The following MYCBP2 variants were observed in gnomAD, a reference collection of about 807,000 sequenced individuals.
MYCBP2 encodes the protein E3 ubiquitin-protein ligase MYCBP2.
A neutral mutation model predicts 525.3 loss-of-function variants in MYCBP2; 120 were observed. That is an observed-to-expected ratio of 0.23 (90% CI 0.20 to 0.27). The LOEUF is 0.27. Ranked by LOEUF, MYCBP2 falls within the 10% of genes least tolerant of loss-of-function variation. The pLI is 1.00. For synonymous variants in MYCBP2, 1,894 were observed against 1,955.8 expected (o/e 0.97, Z 0.83); for missense variants, 4,149 against 5,657.1 (o/e 0.73, Z 8.55).
chr13:77,297,568 A>G (rs567855198), intron 1 of MYCBP2, among the ~76,000 whole-genome samples: 58 of 152,304 alleles, frequency 3.8e-4, no homozygotes, highest in African/African-American at 1.3e-3. Context: ...CAGCAGTGAC[A>G]AAAGAGAAAA....
chr13:77,322,892 C>CA (rs35220692), intron 1 of MYCBP2, among the ~76,000 whole-genome samples: 1 of 152,146 alleles, frequency 6.6e-6, no homozygotes, highest in Non-Finnish European at 1.5e-5. Flanking sequence ...CTCATTCATC[C>CA]AAAAATATAT....
intron 40 of MYCBP2, among the ~76,000 whole-genome samples, chr13:77,167,406 G>T (rs908456077): frequency 5.9e-5 from 9 of 152,150 alleles, no homozygotes; most frequent in Non-Finnish European, 1.0e-4. Context: ...GAAAGAACCA[G>T]CAGGTAAGCT....
chr13:77,083,525 A>G (rs1261082646), intron 62 of MYCBP2, among the ~76,000 whole-genome samples: 4 of 151,816 alleles, frequency 2.6e-5, no homozygotes, highest in Non-Finnish European at 4.4e-5. Flanking sequence ...GTATGGATAT[A>G]TACACATACA....
At chr13:77,066,173 G>A in intron 71 of MYCBP2, 85 bp from the exon 72 acceptor site, 1 of 971,272 alleles carries the variant, frequency 1.0e-6, no homozygotes, top group Non-Finnish European at 1.6e-6. Context: ...ATTTCAGAAT[G>A]CAGCATTTTA....
At chr13:77,143,893 A>G (rs1372810702) in intron 49 of MYCBP2, among the ~76,000 whole-genome samples, 2 of 152,254 alleles carry the variant, frequency 1.3e-5, no homozygotes, top group African/African-American at 4.8e-5. Context: ...CTAAGCATAG[A>G]AAAGGTACAG....
chr13:77,255,765 T>A (rs765195356), intron 14 of MYCBP2, among the ~76,000 whole-genome samples: 1 of 151,912 alleles, frequency 6.6e-6, no homozygotes, highest in South Asian at 2.1e-4. Context: ...AGACAAAGAA[T>A]GGTGGGTTTC....
intron 52 of MYCBP2, among the ~76,000 whole-genome samples, chr13:77,128,988 T>C (rs527939417): frequency 6.8e-4 from 103 of 152,168 alleles, no homozygotes; most frequent in Non-Finnish European, 1.2e-3. Context: ...AAACTAATAA[T>C]ACATTCTTTT....
In MYCBP2 at chr13:77,188,978, C is replaced by T; in HGVS notation, c.4224G>A (p.Lys1408=). 1 of 1,606,624 alleles carries T rather than the reference C, an allele frequency of 6.2e-7. No individual in the cohort carries two copies. Residue 1408 remains lysine (K), a synonymous_variant, in exon 30 of 83, where the codon AAG becomes AAA. Transcript: ENST00000544440. ...CTGAGACAGTTCTTGCAAAAGACCT[C>T]TTTAAAATGTGTACAGGTTCACTGG... ...QQTSEPVHIL[K]RSFARTVSVE...
At position 77,058,409 on chromosome 13, in the gene MYCBP2, G is replaced by A; in HGVS notation, c.13141-3C>T. On this transcript the variant is annotated splice_region_variant and splice_polypyrimidine_tract_variant and intron_variant, in intron 77 of 82. Coordinates refer to ENST00000544440, the MANE Select transcript of MYCBP2 (RefSeq NM_015057.5). This position sits in a 1 kb window ranked among gnomAD's most constrained non-coding sequence, Gnocchi z 4.1. The stretch of plus-strand genomic sequence containing the variant: ...CTACAGGCTATCTTAGCGTATTCCT[G>A]TTAAAGATGAATTACAATGTTACAC... 1 of 1,577,520 alleles carries A rather than the reference G, an allele frequency of 6.3e-7. No individual in the cohort carries two copies. The highest frequency in any genetic ancestry group is 1.1e-5 in the South Asian group (1 of 87,054).
At chr13:77,294,108 A>ATATATG (rs1555465520) in intron 2 of MYCBP2, among the ~76,000 whole-genome samples, 2 of 48,270 alleles carry the variant, frequency 4.1e-5, no homozygotes, top group East Asian at 5.7e-4. Context: ...TAATGGCTAT[A>ATATATG]TATATATATA....
At chr13:77,131,704 T>C (rs1318410800) in intron 52 of MYCBP2, among the ~76,000 whole-genome samples, 3 of 152,208 alleles carry the variant, frequency 2.0e-5, no homozygotes, top group Non-Finnish European at 4.4e-5. Context: ...TGTGTGTGCA[T>C]GTGTATATAC....
chr13:77,224,683 A>G (rs939687553), intron 19 of MYCBP2, 151 bp from the exon 20 acceptor site: 5 of 501,636 alleles, frequency 1.0e-5, no homozygotes, highest in African/African-American at 8.0e-5. Context: ...TTTAATGAGA[A>G]ATTAATTTTA....
intron 53 of MYCBP2, among the ~76,000 whole-genome samples, chr13:77,126,081 CCAAA>C (rs1319537894): frequency 6.6e-6 from 1 of 152,010 alleles, no homozygotes; most frequent in African/African-American, 2.4e-5. Context: ...TGTGCAAATA[CCAAA>C]CATTTATATA....
At chr13:77,226,682 T>C (rs942522896) in intron 18 of MYCBP2, among the ~76,000 whole-genome samples, 4 of 152,192 alleles carry the variant, frequency 2.6e-5, no homozygotes, top group South Asian at 2.1e-4. Flanking sequence ...GTGTTTATTC[T>C]TTTTTTACCT....
At chr13:77,075,808 C>T (rs1293051287) in intron 68 of MYCBP2, 2 of 152,222 alleles carry the variant, frequency 1.3e-5, no homozygotes, top group East Asian at 1.9e-4. Flanking sequence ...CAGGTAGTTA[C>T]ACAGTCTTGT....
At chr13:77,273,106 T>G (rs943535637) in intron 5 of MYCBP2, among the ~76,000 whole-genome samples, 2 of 152,184 alleles carry the variant, frequency 1.3e-5, no homozygotes. Context: ...TCTTTTTCTT[T>G]CAATAGAGAA....
intron 26 of MYCBP2, among the ~76,000 whole-genome samples, chr13:77,199,666 TG>T (rs1233015919): frequency 6.6e-6 from 1 of 152,196 alleles, no homozygotes; most frequent in Non-Finnish European, 1.5e-5. Context: ...AAGAGAGCAG[TG>T]GTTCTCCCAG....
In MYCBP2 at chr13:77,144,494, C is replaced by T. The variant is rs977850999; in HGVS notation, c.7254G>A (p.Gly2418=). The change falls in exon 49 of 83, where the codon GGG becomes GGA. Residue 2418 remains glycine, a synonymous_variant. Transcript: ENST00000544440. The part of the protein sequence containing the change: ...DGTYCANWTP[G]AIGLYTLHVT... ...CATGAAGAGTGTAGAGTCCAATAGC[C>T]CCTGGAGTCCAATTTGCACAATAAG... The T allele has an allele frequency of 3.1e-6, 5 of 1,613,802 alleles. No individual in the cohort carries two copies. Among genetic ancestry groups the T allele is most frequent in the Non-Finnish European group, 4.2e-6 (5 of 1,179,846 alleles).
chr13:77,181,057 T>C (rs1335637781), intron 33 of MYCBP2, among the ~76,000 whole-genome samples: 1 of 152,236 alleles, frequency 6.6e-6, no homozygotes, highest in African/African-American at 2.4e-5. Flanking sequence ...ACACATATGA[T>C]TCCTATGTAG....
Sources: allele counts gnomAD v4.1 joint callset (sites outside exome capture counted in the v4.1 genomes callset), GRCh38; gene constraint gnomAD v4.1.1; non-coding constraint Gnocchi (gnomAD v3.1); transcripts MANE v1.5; gene names NCBI Gene and HGNC (gene_info 2026-07-23, HGNC 2026-07-21).